RBFOX1: variants seen among roughly 807,000 people sequenced by gnomAD.
RBFOX1 encodes the protein RNA binding fox-1 homolog 1, also known as RNA binding protein fox-1 homolog 1.
A neutral mutation model predicts 57.7 loss-of-function variants in RBFOX1; 8 were observed. The ratio of observed to expected loss-of-function variants is 0.14; its 90% CI spans 0.08 to 0.25. The LOEUF is 0.25. Ranked by LOEUF, RBFOX1 falls within the 10% of genes least tolerant of loss-of-function variation. RBFOX1 has a pLI of 1.00. For missense variants in RBFOX1, 611 were observed against 548.5 expected, an observed-to-expected ratio of 1.11 and a Z score of -1.14; for synonymous variants, 326 against 222.4, an observed-to-expected ratio of 1.47 and a Z score of -4.15.
chr16:6,948,533 C>T (rs774346166), intron 3 of RBFOX1, among the ~76,000 whole-genome samples: 4 of 151,782 alleles, frequency 2.6e-5, no homozygotes, highest in Non-Finnish European at 5.9e-5. Context: ...GAGGCGCCCA[C>T]CACCATGCCC....
chr16:6,954,629 G>C (rs1442683051), intron 3 of RBFOX1, among the ~76,000 whole-genome samples: 4 of 152,150 alleles, frequency 2.6e-5, no homozygotes, highest in South Asian at 2.1e-4. Context: ...GAGGCAAAAA[G>C]AGGCATGATT....
intron 3 of RBFOX1, among the ~76,000 whole-genome samples, chr16:6,738,462 G>A (rs1004800294): frequency 7.9e-5 from 12 of 151,956 alleles, no homozygotes; most frequent in Non-Finnish European, 1.6e-4. Flanking sequence ...TGTATGTATC[G>A]AATAAAAGAG....
intron 2 of RBFOX1, among the ~76,000 whole-genome samples, chr16:6,478,793 T>A (rs1392165422): frequency 6.6e-6 from 1 of 152,048 alleles, no homozygotes; most frequent in East Asian, 1.9e-4. Context: ...CTTTATCAAT[T>A]AAGTGTGCCA....
intron 1 of RBFOX1, among the ~76,000 whole-genome samples, chr16:5,360,837 G>T (rs926155292): frequency 6.6e-6 from 1 of 152,174 alleles, no homozygotes; most frequent in Admixed American, 6.5e-5. Flanking sequence ...TTCCTGCCCA[G>T]TTTTGAGGAG....
chr16:5,779,905 A>G (rs2054272669), intron 3 of RBFOX1, among the ~76,000 whole-genome samples: 1 of 152,184 alleles, frequency 6.6e-6, no homozygotes, highest in African/African-American at 2.4e-5. Context: ...ATAAATGGAG[A>G]TGGTAATCAT....
chr16:6,776,751 C>G (rs571941650), intron 3 of RBFOX1, among the ~76,000 whole-genome samples: 14 of 152,342 alleles, frequency 9.2e-5, no homozygotes, highest in African/African-American at 3.1e-4. Context: ...AGGTGCTAAA[C>G]TTTTCTGCAC....
chr16:5,678,381 C>T (rs940252074), intron 3 of RBFOX1, among the ~76,000 whole-genome samples: 4 of 152,328 alleles, frequency 2.6e-5, no homozygotes, highest in African/African-American at 7.2e-5. Context: ...GTCCCAAGAA[C>T]TCCTTTTCTT....
At chr16:5,367,596 C>T (rs1166113938) in intron 1 of RBFOX1, among the ~76,000 whole-genome samples, 1 of 152,218 alleles carries the variant, frequency 6.6e-6, no homozygotes, top group African/African-American at 2.4e-5. Flanking sequence ...CATTATCTTA[C>T]TGGTACTGGG....
At chr16:6,123,949 A>G (rs574617518) in intron 1 of RBFOX1, among the ~76,000 whole-genome samples, 9 of 152,312 alleles carry the variant, frequency 5.9e-5, no homozygotes, top group African/African-American at 2.2e-4. Context: ...TATCACAAGA[A>G]AAAAATACAA....
intron 2 of RBFOX1, among the ~76,000 whole-genome samples, chr16:6,361,122 G>A (rs1269376497): frequency 6.6e-6 from 1 of 152,042 alleles, no homozygotes; most frequent in East Asian, 1.9e-4. Flanking sequence ...TTACAAATAT[G>A]TAATATGGGC....
chr16:7,650,106 A>C (rs934963472), intron 11 of RBFOX1, among the ~76,000 whole-genome samples: 1 of 143,284 alleles, frequency 7.0e-6, no homozygotes, highest in African/African-American at 2.5e-5. Context: ...AAAAGGAGCA[A>C]GTATAAGAAG....
At chr16:7,016,172 C>T (rs745970520) in intron 3 of RBFOX1, among the ~76,000 whole-genome samples, 3 of 152,096 alleles carry the variant, frequency 2.0e-5, no homozygotes, top group East Asian at 1.9e-4. Flanking sequence ...TCCCTTGCCG[C>T]GGTGAATTTG....
intron 3 of RBFOX1, among the ~76,000 whole-genome samples, chr16:6,682,268 C>T (rs1006548714): frequency 1.3e-5 from 2 of 152,202 alleles, no homozygotes; most frequent in Non-Finnish European, 2.9e-5. Flanking sequence ...AGGAAGCACA[C>T]AGCCCTGCCT....
chr16:5,379,743 C>G (rs1323403410), intron 1 of RBFOX1, among the ~76,000 whole-genome samples: 1 of 152,220 alleles, frequency 6.6e-6, no homozygotes, highest in African/African-American at 2.4e-5. Context: ...GGCTCTTTAT[C>G]TCCCCCTCTG....
chr16:5,454,394 G>T (rs1448746681), intron 1 of RBFOX1, among the ~76,000 whole-genome samples: 1 of 152,222 alleles, frequency 6.6e-6, no homozygotes, highest in Non-Finnish European at 1.5e-5. Context: ...TTTTATTAAT[G>T]TTTATCAACT....
intron 4 of RBFOX1, among the ~76,000 whole-genome samples, chr16:7,347,867 C>G (rs534048340): frequency 6.6e-6 from 1 of 152,120 alleles, no homozygotes; most frequent in Non-Finnish European, 1.5e-5. Context: ...TTAGCCATTC[C>G]GAGACAGGCG....
At chr16:6,270,908 A>G (rs1037403155) in intron 1 of RBFOX1, among the ~76,000 whole-genome samples, 1 of 152,224 alleles carries the variant, frequency 6.6e-6, no homozygotes, top group African/African-American at 2.4e-5. Flanking sequence ...GAATCTGCAA[A>G]CATTTGGCCA....
At chr16:5,264,308 G>A (rs1374138424) in intron 1 of RBFOX1, among the ~76,000 whole-genome samples, 1 of 152,196 alleles carries the variant, frequency 6.6e-6, no homozygotes, top group Non-Finnish European at 1.5e-5. Flanking sequence ...GCTGCAGTTG[G>A]ATGTCTGTGC....
chr16:5,650,059 AAC>A lies in RBFOX1; in HGVS notation c.318+51102_318+51103del, dbSNP rs1258582392. On this transcript the variant is annotated intron_variant, in intron 3 of 19. Transcript: ENST00000641259. ...ATTGGCCGTCTGGGCTGCTTAAGCA[AAC>A]ACAAGTTTTGAAGGCACGTTGGGGT... Among the ~76,000 whole-genome samples, 5 of 152,308 alleles carry A rather than the reference AAC, an allele frequency of 3.3e-5. No individual in the cohort carries two copies. The East Asian group carries it at 9.7e-4, about 29-fold the overall frequency.
Sources: allele counts gnomAD v4.1 joint callset (sites outside exome capture counted in the v4.1 genomes callset), GRCh38; gene constraint gnomAD v4.1.1; transcripts MANE v1.5; gene names NCBI Gene and HGNC (gene_info 2026-07-23, HGNC 2026-07-21).